SCNN1G: variants seen among roughly 807,000 people sequenced by gnomAD.
The protein encoded by SCNN1G is epithelial sodium channel subunit gamma.
SCNN1G carries 27 observed loss-of-function variants against 64.6 expected under a neutral mutation model. The observed-to-expected ratio is 0.42, with a 90% CI of 0.31 to 0.58. The LOEUF is 0.58. Among genes scored for constraint, SCNN1G ranks in the 20% least tolerant of loss-of-function variants. The pLI, the probability that SCNN1G is intolerant of heterozygous loss-of-function variation, is 0.18. For missense variants in SCNN1G, 743 were observed against 823.4 expected (o/e 0.90, Z 1.19); for synonymous variants, 330 against 314.2 (o/e 1.05, Z -0.53).
At chr16:23,196,866 C>G (rs533125178) in intron 5 of SCNN1G, among the ~76,000 whole-genome samples, 21 of 152,326 alleles carry the variant, frequency 1.4e-4, no homozygotes, top group Admixed American at 3.9e-4. Flanking sequence ...TGATTCATCT[C>G]TTCTCTGAGT....
intron 1 of SCNN1G, among the ~76,000 whole-genome samples, chr16:23,183,678 A>G (rs980547945): frequency 6.7e-6 from 1 of 149,436 alleles, no homozygotes; most frequent in Non-Finnish European, 1.5e-5. Context: ...GAAATGGGCC[A>G]AGTAATAGCA....
At chr16:23,183,719 G>C (rs1959559521) in intron 1 of SCNN1G, among the ~76,000 whole-genome samples, 1 of 152,194 alleles carries the variant, frequency 6.6e-6, no homozygotes, top group Admixed American at 6.5e-5. Flanking sequence ...GATTAAATCA[G>C]GTAGTGTGTG....
At chr16:23,196,569 T>C (rs1479063913) in intron 5 of SCNN1G, 1 of 153,780 alleles carries the variant, frequency 6.5e-6, no homozygotes, top group Non-Finnish European at 1.4e-5. Flanking sequence ...AAGAAGAGAA[T>C]TTTGAGAGTT....
chr16:23,185,827 A>G (rs895106744), intron 1 of SCNN1G, among the ~76,000 whole-genome samples: 1 of 152,128 alleles, frequency 6.6e-6, no homozygotes, highest in Non-Finnish European at 1.5e-5. Flanking sequence ...GCTGCCCTTG[A>G]GGAAGGCGGG....
At chr16:23,206,919 G>A (rs1156799587) in intron 6 of SCNN1G, among the ~76,000 whole-genome samples, 2 of 152,130 alleles carry the variant, frequency 1.3e-5, no homozygotes, top group Admixed American at 6.6e-5. Context: ...AAGTCAAAAT[G>A]TCTTCCTAGC....
At chr16:23,186,906 G>A (rs1015797506) in intron 2 of SCNN1G, among the ~76,000 whole-genome samples, 1 of 151,964 alleles carries the variant, frequency 6.6e-6, no homozygotes, top group Admixed American at 6.6e-5. Flanking sequence ...CCACCTCCCA[G>A]GTTCTAACAA....
intron 6 of SCNN1G, among the ~76,000 whole-genome samples, chr16:23,197,754 C>T (rs1314823615): frequency 6.6e-6 from 1 of 151,980 alleles, no homozygotes; most frequent in Non-Finnish European, 1.5e-5. Context: ...GTAGTGTGTG[C>T]CTGTAATACC....
At chr16:23,182,960 GGACA>G (rs1270809846) in intron 1 of SCNN1G, 147 bp downstream of exon 1, 2 of 152,408 alleles carry the variant, frequency 1.3e-5, no homozygotes, top group East Asian at 3.9e-4. Flanking sequence ...CGGGATGCTG[GGACA>G]CCTTGCCCGG....
At chr16:23,194,133 G>T in intron 4 of SCNN1G, 38 bp from the exon 5 acceptor site, 1 of 1,399,530 alleles carries the variant, frequency 7.1e-7, no homozygotes, top group South Asian at 1.2e-5. Context: ...AAGATGCATG[G>T]GGGAGATCCC....
At position 23,213,110 on chromosome 16, in the gene SCNN1G, G is replaced by C; in HGVS notation, c.1440G>C (p.Leu480Phe). The change falls in exon 11 of 13, where the codon TTG becomes TTC. Residue 480 changes from leucine (L) to phenylalanine (F), a missense_variant. Transcript: ENST00000300061. ...QWPSVVSEKW[L>F]LPVLTWDQGR... ...TTCTCTCTCCGTTGTAGAAGTGGTT[G>C]CTGCCTGTTCTCACTTGGGACCAAG... 1 of 1,613,898 alleles carries C rather than the reference G, an allele frequency of 6.2e-7. No individual in the cohort carries two copies. The highest frequency in any genetic ancestry group is 1.6e-4 in the Middle Eastern group (1 of 6,062).
chr16:23,212,086 C>T lies in SCNN1G; in HGVS notation c.1229C>T (p.Ala410Val), dbSNP rs753595418. 5.6e-6 allele frequency: 9 copies of T among 1,613,878 alleles called. No individual in the cohort carries two copies. The highest frequency in any genetic ancestry group is 1.7e-5 in the Admixed American group (1 of 60,002). The change falls in exon 8 of 13, where the codon GCC (alanine) becomes GTC (valine). Residue 410 changes from alanine to valine, a missense_variant. Physicochemically the swap from Ala to Val is moderately conservative, Grantham distance 64 (BLOSUM62 0). Coordinates refer to ENST00000300061, the MANE Select transcript of SCNN1G (RefSeq NM_001039.4). ...QTKMVEKCGC[A>V]QYSQPLPPAA... is the part of the protein sequence containing the mutation. ...AAGATGGTGGAGAAATGTGGGTGTG[C>T]CCAGTACAGCCAGCCTCTACCTCCT...
chr16:23,205,522 A>G (rs1959975229), intron 6 of SCNN1G, among the ~76,000 whole-genome samples: 1 of 152,030 alleles, frequency 6.6e-6, no homozygotes, highest in African/African-American at 2.4e-5. Flanking sequence ...ACATGGTGAA[A>G]CCCCATCTCT....
chr16:23,186,611 C>G (rs114324257), intron 2 of SCNN1G, 23 bp downstream of exon 2: 54 of 1,601,304 alleles, frequency 3.4e-5, no homozygotes, highest in Non-Finnish European at 4.1e-5. Flanking sequence ...AGCAGGGAAA[C>G]GCGAGTAGGG....
chr16:23,213,377 T>C lies in SCNN1G; in HGVS notation c.1493+214T>C, dbSNP rs4402571. 0.21 allele frequency among the ~76,000 whole-genome samples: 32,058 copies of C among 150,978 alleles called. 3,502 individuals are homozygous for C. Among genetic ancestry groups the C allele is most frequent in the African/African-American group, 0.25 (10,145 of 41,208 alleles). ...CAGCAATCCTCCTGCCTCAGCCTCC[T>C]AAGTAGCTGGGATTATAGGTGCGCA... is the stretch of plus-strand genomic sequence containing the variant. On this transcript the variant is annotated intron_variant, in intron 11 of 12. Transcript: ENST00000300061.
intron 5 of SCNN1G, among the ~76,000 whole-genome samples, chr16:23,195,728 T>C (rs933753716): frequency 1.4e-4 from 21 of 152,272 alleles, no homozygotes; most frequent in South Asian, 2.1e-4. Flanking sequence ...GTTTACAACT[T>C]ATTTACAAAT....
At chr16:23,207,585 G>T (rs1960010608) in intron 6 of SCNN1G, among the ~76,000 whole-genome samples, 1 of 152,204 alleles carries the variant, frequency 6.6e-6, no homozygotes, top group Non-Finnish European at 1.5e-5. Flanking sequence ...GAGAAGGGCG[G>T]GTTGCAGGGC....
chr16:23,188,363 T>A (rs765001947), intron 2 of SCNN1G, among the ~76,000 whole-genome samples: 3 of 151,858 alleles, frequency 2.0e-5, no homozygotes, highest in Non-Finnish European at 4.4e-5. Flanking sequence ...TTATTTTAAA[T>A]TAGCCAGGTG....
intron 7 of SCNN1G, 67 bp downstream of exon 7, chr16:23,209,915 T>G: frequency 6.0e-6 from 7 of 1,169,824 alleles, no homozygotes; most frequent in South Asian, 1.2e-5. Flanking sequence ...AAGTTATATC[T>G]AAGCTGGGGT....
chr16:23,209,871 C>T lies in SCNN1G; in HGVS notation c.1176+23C>T, dbSNP rs757123550. 13 of 1,560,268 alleles carry T rather than the reference C, an allele frequency of 8.3e-6. No individual in the cohort carries two copies. The Admixed American group carries it at 1.7e-4, about 20-fold the overall frequency. ...CAGGTAACAGATTGGCAGGGGCACCCAGCCCTGGGTTTATGGCCCGGACCC... is the reference window on the plus strand; with the variant it reads ...CAGGTAACAGATTGGCAGGGGCACCTAGCCCTGGGTTTATGGCCCGGACCC... On this transcript the variant is annotated intron_variant, in intron 7 of 12. Transcript: ENST00000300061.
Sources: gnomAD v4.1 joint callset for allele counts (sites outside exome capture counted in the v4.1 genomes callset) on GRCh38, gnomAD v4.1.1 for gene constraint, MANE v1.5 for transcripts, NCBI Gene and HGNC (gene_info 2026-07-23, HGNC 2026-07-21) for gene names.